RSRC1: variants seen among roughly 807,000 people sequenced by gnomAD.
RSRC1 encodes serine/Arginine-related protein 53.
In RSRC1, 39 loss-of-function variants were observed where a neutral mutation model predicts 49.1. The observed-to-expected ratio is 0.79, with a 90% CI of 0.61 to 1.04. The LOEUF is 1.04. Ranked by LOEUF, RSRC1 falls within the 50% of genes least tolerant of loss-of-function variation. The probability of loss-of-function intolerance (pLI) is 0.00; values close to 1 mark genes in which losing one functional copy is unlikely to be tolerated. For missense variants in RSRC1, 388 were observed against 402.4 expected (o/e 0.96, Z 0.31); for synonymous variants, 143 against 130.8 (o/e 1.09, Z -0.63).
At chr3:158,231,070 G>A (rs1012692817) in intron 4 of RSRC1, among the ~76,000 whole-genome samples, 3 of 148,670 alleles carry the variant, frequency 2.0e-5, no homozygotes, top group African/African-American at 4.9e-5. Context: ...ATGCTTTCCT[G>A]TAGTTAGCCT....
At chr3:158,266,466 T>C (rs986788151) in intron 4 of RSRC1, among the ~76,000 whole-genome samples, 1 of 152,178 alleles carries the variant, frequency 6.6e-6, no homozygotes, top group African/African-American at 2.4e-5. Flanking sequence ...TGTAAGACAG[T>C]CTTTTGAAAT....
chr3:158,283,912 C>CT lies in RSRC1; in HGVS notation c.495-14126dup, dbSNP rs1169620544. On this transcript the variant is annotated intron_variant, in intron 4 of 9. Transcript: ENST00000611884. ...TTTTTTTTACTATTATTATTATACT[C>CT]TAAGTTCTAGGGTACATGTGCACAA... is the stretch of plus-strand genomic sequence containing the variant. Among the ~76,000 whole-genome samples, 26 of 149,650 alleles carry CT rather than the reference C, an allele frequency of 1.7e-4. 1 individual carries two copies. In the East Asian group the frequency reaches 4.5e-3, roughly 26 times the overall value.
At chr3:158,507,143 G>C (rs1257531587) in intron 7 of RSRC1, among the ~76,000 whole-genome samples, 1 of 152,006 alleles carries the variant, frequency 6.6e-6, no homozygotes, top group African/African-American at 2.4e-5. Context: ...GCCAAACACA[G>C]AAAGACAAAT....
At chr3:158,529,465 GTTAT>G (rs902540135) in intron 7 of RSRC1, among the ~76,000 whole-genome samples, 34 of 151,914 alleles carry the variant, frequency 2.2e-4, no homozygotes, top group African/African-American at 7.2e-4. Context: ...CTGTCACCAA[GTTAT>G]TTATTAGCCT....
At chr3:158,511,970 G>C (rs1019568304) in intron 7 of RSRC1, among the ~76,000 whole-genome samples, 3 of 150,946 alleles carry the variant, frequency 2.0e-5, no homozygotes, top group Non-Finnish European at 4.4e-5. Context: ...TGATGGGGTT[G>C]TTTTTTTCTT....
At chr3:158,468,329 A>G (rs1183684121) in intron 7 of RSRC1, among the ~76,000 whole-genome samples, 2 of 152,186 alleles carry the variant, frequency 1.3e-5, no homozygotes, top group East Asian at 3.9e-4. Context: ...CATAGGAGAC[A>G]CTTTTATTGA....
chr3:158,328,551 T>A (rs998310872), intron 5 of RSRC1, among the ~76,000 whole-genome samples: 9 of 152,142 alleles, frequency 5.9e-5, no homozygotes, highest in East Asian at 1.9e-4. Flanking sequence ...AAGAATGTTG[T>A]ATATTGGCCC....
intron 5 of RSRC1, among the ~76,000 whole-genome samples, chr3:158,324,075 T>C (rs1037764568): frequency 1.3e-5 from 2 of 152,196 alleles, no homozygotes; most frequent in African/African-American, 4.8e-5. Flanking sequence ...ATTTTATTTT[T>C]TTGGAAAAGA....
rs188248012 is a variant in RSRC1 at position 158,333,533 on chromosome 3, T to C, written c.532-21324T>C. ...GTTGGTTAATCTGTATTAGTGTGTA[T>C]TTTGAACACATTGGTTCAGACAGCT... On this transcript the variant is annotated intron_variant, in intron 5 of 9. Transcript: ENST00000611884. 3.3e-5 allele frequency among the ~76,000 whole-genome samples: 5 copies of C among 152,356 alleles called. No homozygotes were observed. The East Asian group carries it at 9.6e-4, about 29-fold the overall frequency.
intron 4 of RSRC1, among the ~76,000 whole-genome samples, chr3:158,290,344 C>T (rs970395744): frequency 4.7e-5 from 7 of 150,472 alleles, no homozygotes; most frequent in African/African-American, 1.8e-4. Context: ...GCGATTTCGG[C>T]TCACTGCAAG....
intron 7 of RSRC1, among the ~76,000 whole-genome samples, chr3:158,498,342 T>C (rs1739443929): frequency 1.3e-5 from 2 of 152,206 alleles, no homozygotes; most frequent in Admixed American, 1.3e-4. Context: ...TTCATTTATC[T>C]GTTGGCCATT....
intron 4 of RSRC1, among the ~76,000 whole-genome samples, chr3:158,238,989 A>T (rs1723405522): frequency 6.6e-6 from 1 of 152,228 alleles, no homozygotes; most frequent in Admixed American, 6.5e-5. Context: ...GCTAATATCC[A>T]GAATCTACAA....
chr3:158,183,965 A>C (rs1029918761), intron 3 of RSRC1, among the ~76,000 whole-genome samples: 39 of 152,120 alleles, frequency 2.6e-4, no homozygotes, highest in Non-Finnish European at 2.8e-4. Context: ...CATACATGCT[A>C]GGTGCTACTG....
At chr3:158,269,605 CG>C (rs1198956516) in intron 4 of RSRC1, among the ~76,000 whole-genome samples, 2 of 152,010 alleles carry the variant, frequency 1.3e-5, no homozygotes, top group South Asian at 4.2e-4. Context: ...CTCTGCCTCC[CG>C]GGTTGAAGTG....
chr3:158,519,330 T>C (rs1281887004), intron 7 of RSRC1, among the ~76,000 whole-genome samples: 1 of 152,016 alleles, frequency 6.6e-6, no homozygotes, highest in Non-Finnish European at 1.5e-5. Flanking sequence ...ACCAGCGGTT[T>C]CTCTACTCTC....
chr3:158,488,753 C>G (rs1470182553), intron 7 of RSRC1, among the ~76,000 whole-genome samples: 2 of 152,198 alleles, frequency 1.3e-5, no homozygotes, highest in East Asian at 3.9e-4. Context: ...CTAAGTTAAG[C>G]CAGGAGATGA....
intron 6 of RSRC1, among the ~76,000 whole-genome samples, chr3:158,404,428 C>T (rs1734048104): frequency 1.3e-5 from 2 of 151,864 alleles, no homozygotes; most frequent in Non-Finnish European, 2.9e-5. Flanking sequence ...TTTATCTTCC[C>T]CTCTGAATGA....
intron 8 of RSRC1, among the ~76,000 whole-genome samples, chr3:158,537,900 T>C (rs2108506073): frequency 6.6e-6 from 1 of 151,948 alleles, no homozygotes; most frequent in African/African-American, 2.4e-5. Context: ...ATTTTTCCTC[T>C]GTTATCAAAT....
intron 7 of RSRC1, among the ~76,000 whole-genome samples, chr3:158,515,946 C>G (rs1214110456): frequency 6.6e-6 from 1 of 151,160 alleles, no homozygotes; most frequent in African/African-American, 2.4e-5. Context: ...GTTTTCAGCT[C>G]CATCAGCTCC....
Sources: gnomAD v4.1 joint callset for allele counts (sites outside exome capture counted in the v4.1 genomes callset) on GRCh38, gnomAD v4.1.1 for gene constraint, MANE v1.5 for transcripts, NCBI Gene and HGNC (gene_info 2026-07-23, HGNC 2026-07-21) for gene names.